Variants in SEMA6D observed in about 807,000 individuals in gnomAD.
SEMA6D encodes the protein semaphorin-6D.
SEMA6D carries 35 observed loss-of-function variants against 106.6 expected under a neutral mutation model. The observed-to-expected ratio is 0.33, with a 90% CI of 0.25 to 0.44. The LOEUF (loss-of-function observed/expected upper bound fraction) is 0.44. Among genes scored for constraint, SEMA6D ranks in the 20% least tolerant of loss-of-function variants. The pLI is 1.00. For missense variants in SEMA6D, 1,185 were observed against 1,345.9 expected (o/e 0.88, Z 1.87); for synonymous variants, 499 against 487.7 (o/e 1.02, Z -0.31).
chr15:47,317,876 G>A (rs1304452683), intron 1 of SEMA6D, among the ~76,000 whole-genome samples: 1 of 151,902 alleles, frequency 6.6e-6, no homozygotes, highest in Non-Finnish European at 1.5e-5. Flanking sequence ...CCGAGCTTTT[G>A]GGATCTATAA....
At chr15:47,195,221 A>G (rs977718859) in intron 1 of SEMA6D, among the ~76,000 whole-genome samples, 24 of 152,298 alleles carry the variant, frequency 1.6e-4, no homozygotes, top group African/African-American at 5.5e-4. Context: ...ATGGACACAG[A>G]GAAACATGAA....
rs74983131 is a variant in SEMA6D, at chr15:47,456,170, G to A, written c.-158-14304G>A. 2.8e-3 allele frequency among the ~76,000 whole-genome samples: 430 copies of A among 152,050 alleles called. 7 individuals are homozygous for A. In the East Asian group the frequency reaches 0.052, roughly 18 times the overall value. On this transcript the variant is annotated intron_variant, in intron 2 of 19. Coordinates refer to the SEMA6D transcript ENST00000558014. ...ACCAAACAAGGTGTTGGAGGCAACA[G>A]ATTCTGTGATCTATGACTTACCCCC...
intron 2 of SEMA6D, among the ~76,000 whole-genome samples, chr15:47,428,004 A>G (rs2041399407): frequency 6.6e-6 from 1 of 152,134 alleles, no homozygotes; most frequent in Non-Finnish European, 1.5e-5. Context: ...TTTCAGACAA[A>G]TTACTTTGAA....
chr15:47,464,465 T>G (rs1013960781), intron 2 of SEMA6D, among the ~76,000 whole-genome samples: 1 of 152,098 alleles, frequency 6.6e-6, no homozygotes, highest in East Asian at 1.9e-4. Context: ...GCCGAACCAC[T>G]GCCACCAGTG....
chr15:47,709,052 CT>C (rs1200937484), intron 4 of SEMA6D, among the ~76,000 whole-genome samples: 2 of 152,178 alleles, frequency 1.3e-5, no homozygotes, highest in Non-Finnish European at 2.9e-5. Flanking sequence ...AGTGGGCCTT[CT>C]TGCCCTTTGT....
At chr15:47,584,072 G>A (rs2076296812) in intron 3 of SEMA6D, among the ~76,000 whole-genome samples, 1 of 152,134 alleles carries the variant, frequency 6.6e-6, no homozygotes. Flanking sequence ...AACTTCTTGA[G>A]GGCAGGGCAA....
chr15:47,463,127 A>G (rs1296927102), intron 2 of SEMA6D, among the ~76,000 whole-genome samples: 3 of 152,172 alleles, frequency 2.0e-5, no homozygotes, highest in Non-Finnish European at 4.4e-5. Context: ...GATAACAGTA[A>G]CAAAAACAAC....
At chr15:47,461,924 T>G (rs2141044946) in intron 2 of SEMA6D, among the ~76,000 whole-genome samples, 1 of 152,058 alleles carries the variant, frequency 6.6e-6, no homozygotes, top group East Asian at 1.9e-4. Flanking sequence ...TCCAAGTCAA[T>G]GCATACCAAG....
At position 47,771,077 on chromosome 15, in the gene SEMA6D, C is replaced by G. The variant is rs1250413925; in HGVS notation, c.2514C>G (p.Asn838Lys). 6.2e-7 allele frequency: 1 copy of G among 1,614,150 alleles called. No individual in the cohort carries two copies. Among genetic ancestry groups the G allele is most frequent in the Non-Finnish European group, 8.5e-7 (1 of 1,179,998 alleles). ...TTCCAAATGCTACCCATGACTACAA[C>G]ACGTCTTTCTCAAACTCCAATGCTC... is the stretch of plus-strand genomic sequence containing the variant. ...IVLPNATHDYNTSFSNSNAHK... is the reference protein window; with the variant it reads ...IVLPNATHDYKTSFSNSNAHK... The change falls in exon 19 of 19, where the codon AAC becomes AAG. Residue 838 changes from asparagine to lysine, a missense_variant. Around this residue, in one of 3 missense-constraint regions of SEMA6D, gnomAD observed 750 missense variants for 783.5 expected, o/e 0.96. Coordinates refer to ENST00000536845, the MANE Select transcript of SEMA6D (RefSeq NM_001358351.3).
chr15:47,401,597 C>A (rs149225515), intron 1 of SEMA6D, among the ~76,000 whole-genome samples: 8 of 152,300 alleles, frequency 5.3e-5, no homozygotes, highest in Non-Finnish European at 1.2e-4. Context: ...AGCCTGCTCT[C>A]ACCCAACTTC....
At chr15:47,199,390 T>A (rs1169460940) in intron 1 of SEMA6D, among the ~76,000 whole-genome samples, 1 of 152,158 alleles carries the variant, frequency 6.6e-6, no homozygotes, top group Non-Finnish European at 1.5e-5. Flanking sequence ...GTTTTGTAGT[T>A]GAGTAAGGCA....
chr15:47,439,103 T>C (rs757532297), intron 2 of SEMA6D, among the ~76,000 whole-genome samples: 1 of 152,120 alleles, frequency 6.6e-6, no homozygotes, highest in Non-Finnish European at 1.5e-5. Flanking sequence ...TAATTTCTGA[T>C]TTTTGTGCAA....
At chr15:47,744,047 T>A (rs1265564507) in intron 1 of SEMA6D, among the ~76,000 whole-genome samples, 1 of 152,158 alleles carries the variant, frequency 6.6e-6, no homozygotes, top group Non-Finnish European at 1.5e-5. Context: ...TATTTACTAA[T>A]TCAGCAAATA....
chr15:47,529,285 G>T (rs1384103304), intron 3 of SEMA6D, among the ~76,000 whole-genome samples: 1 of 152,148 alleles, frequency 6.6e-6, no homozygotes, highest in Non-Finnish European at 1.5e-5. Flanking sequence ...CTCATGGGTG[G>T]CAAAGGTGTA....
intron 1 of SEMA6D, among the ~76,000 whole-genome samples, chr15:47,331,277 T>C (rs2037329962): frequency 6.6e-6 from 1 of 152,104 alleles, no homozygotes; most frequent in Non-Finnish European, 1.5e-5. Context: ...GATCATATAT[T>C]TGTGTGTGTG....
intron 2 of SEMA6D, among the ~76,000 whole-genome samples, chr15:47,440,288 A>T (rs936386403): frequency 1.5e-4 from 20 of 134,566 alleles, no homozygotes; most frequent in Admixed American, 1.1e-3. Flanking sequence ...GCAAGAGATT[A>T]TCCTCACCAT....
chr15:47,491,048 C>T (rs7183755), intron 3 of SEMA6D, among the ~76,000 whole-genome samples: 4,394 of 152,238 alleles, frequency 0.029, 217 homozygotes, highest in African/African-American at 0.1. Context: ...GGGATTATCT[C>T]ATAAAGTTCA....
At chr15:47,305,308 T>C (rs1356251911) in intron 1 of SEMA6D, among the ~76,000 whole-genome samples, 2 of 152,310 alleles carry the variant, frequency 1.3e-5, no homozygotes, top group East Asian at 1.9e-4. Flanking sequence ...TGTTACTGAG[T>C]GTGGCCCATG....
At chr15:47,564,175 T>C (rs2046161558) in intron 3 of SEMA6D, among the ~76,000 whole-genome samples, 1 of 152,208 alleles carries the variant, frequency 6.6e-6, no homozygotes, top group Admixed American at 6.5e-5. Context: ...TGCAAGCTCC[T>C]CTGAAAGATA....
Sources: allele counts gnomAD v4.1 joint callset (sites outside exome capture counted in the v4.1 genomes callset), GRCh38; gene constraint gnomAD v4.1.1; regional missense constraint gnomAD v4.1.1; transcripts MANE v1.5; gene names NCBI Gene and HGNC (gene_info 2026-07-23, HGNC 2026-07-21).